COL7A1: variants seen among roughly 807,000 people sequenced by gnomAD.
The protein encoded by COL7A1 is collagen type VII alpha 1 chain.
A neutral mutation model predicts 456.2 loss-of-function variants in COL7A1; 296 were observed. The observed-to-expected ratio is 0.65, with a 90% CI of 0.59 to 0.71. COL7A1 has a LOEUF of 0.71. COL7A1 is among the 30% of genes least tolerant of loss of function. The pLI, the probability that COL7A1 is intolerant of heterozygous loss-of-function variation, is 0.00. For synonymous variants in COL7A1, 1,464 were observed against 1,525.9 expected (o/e 0.96, Z 0.95); for missense variants, 3,441 against 4,017.2 (o/e 0.86, Z 3.88).
rs775573272 is a variant in COL7A1, at chr3:48,583,079, TG to T, written c.4483-32del. The T allele has an allele frequency of 5.6e-5, 90 of 1,613,854 alleles. No individual in the cohort carries two copies. The highest frequency in any genetic ancestry group is 7.5e-5 in the Non-Finnish European group (89 of 1,179,988). On this transcript the variant is annotated intron_variant, in intron 43 of 118. Coordinates refer to ENST00000681320, the MANE Select transcript of COL7A1 (RefSeq NM_000094.4). This position sits in a 1 kb window ranked among gnomAD's most constrained non-coding sequence, Gnocchi z 5.1. ...GGAAAAGAAGAGGTCAGAGCTGAGT[TG>T]GGCCCAGATCCTCCAGGGCCCTTGG...
intron 44 of COL7A1, 94 bp downstream of exon 44, chr3:48,582,919 G>A (rs1460382528): frequency 1.9e-6 from 3 of 1,568,284 alleles, no homozygotes; most frequent in Non-Finnish European, 1.8e-6. Flanking sequence ...GGAGGGGTGA[G>A]GAGCAGGGGT....
In COL7A1 at chr3:48,567,032, A is replaced by T. The variant is rs758174829; in HGVS notation, c.8110-9T>A. On this transcript the variant is annotated splice_polypyrimidine_tract_variant and intron_variant, in intron 110 of 118. Coordinates refer to ENST00000681320, the MANE Select transcript of COL7A1 (RefSeq NM_000094.4). This position sits in a 1 kb window ranked among gnomAD's most constrained non-coding sequence, Gnocchi z 4.3. ...CCAATTCCTGGGGTTCCCTGGGGAG[A>T]TATAGGACAGAGTCAGTAATCAGAG... The T allele has an allele frequency of 2.3e-5, 37 of 1,613,456 alleles. No homozygotes were observed. The highest frequency in any genetic ancestry group is 9.3e-6 in the Non-Finnish European group (11 of 1,179,742).
chr3:48,573,128 G>T lies in COL7A1; in HGVS notation c.6714+46C>A, dbSNP rs1221689347. Reference sequence around the variant, plus strand: ...GACATGAGAGAACATGGGCCCCAAGGAGTGAAAACACGGTGTCCCTACAGG... The same window carrying T: ...GACATGAGAGAACATGGGCCCCAAGTAGTGAAAACACGGTGTCCCTACAGG... On this transcript the variant is annotated intron_variant, in intron 85 of 118. Transcript: ENST00000681320. This position sits in a 1 kb window ranked among gnomAD's most constrained non-coding sequence, Gnocchi z 5.5. The T allele has an allele frequency of 6.2e-7, 1 of 1,614,010 alleles. No homozygotes were observed. Among genetic ancestry groups the T allele is most frequent in the South Asian group, 1.1e-5 (1 of 91,086 alleles).
chr3:48,584,135 A>T (rs1341120500), intron 37 of COL7A1, 74 bp from the exon 38 acceptor site: 3 of 1,611,406 alleles, frequency 1.9e-6, no homozygotes, highest in Admixed American at 3.3e-5. Flanking sequence ...GATGAGGGTC[A>T]TGGGGTCCAA....
chr3:48,574,881 C>T lies in COL7A1; in HGVS notation c.6280-16G>A. The T allele has an allele frequency of 6.2e-7, 1 of 1,613,592 alleles. No homozygotes were observed. Among genetic ancestry groups the T allele is most frequent in the Non-Finnish European group, 8.5e-7 (1 of 1,179,886 alleles). On this transcript the variant is annotated splice_polypyrimidine_tract_variant and intron_variant, in intron 76 of 118. Coordinates refer to ENST00000681320, the MANE Select transcript of COL7A1 (RefSeq NM_000094.4). This position sits in a 1 kb window ranked among gnomAD's most constrained non-coding sequence, Gnocchi z 5.0. Reference sequence around the variant, plus strand: ...CCACAGACACCTACAAACACAAGGTCACAGGGGAGAGATGTCTCTGTCATA... The same window carrying T: ...CCACAGACACCTACAAACACAAGGTTACAGGGGAGAGATGTCTCTGTCATA...
At position 48,575,226 on chromosome 3, in the gene COL7A1, T is replaced by G; in HGVS notation, c.6197A>C (p.Lys2066Thr). The change falls in exon 75 of 119, where the codon AAA (lysine) becomes ACA (threonine). Residue 2066 changes from lysine to threonine, a missense_variant. Coordinates refer to ENST00000681320, the MANE Select transcript of COL7A1 (RefSeq NM_000094.4). This position sits in a 1 kb window ranked among gnomAD's most constrained non-coding sequence, Gnocchi z 6.3. ...RPGERGERGE[K>T]GERGEQGRDG... ...GCCCACCTGTTCTCCACGTTCTCCT[T>G]TCTCTCCCCGTTCTCCCTGAAATGC... 6.2e-7 allele frequency: 1 copy of G among 1,613,966 alleles called. No homozygotes were observed. Among genetic ancestry groups the G allele is most frequent in the Non-Finnish European group, 8.5e-7 (1 of 1,179,984 alleles).
rs774120930 is a variant in COL7A1, at chr3:48,573,767, C to T, written c.6538-42G>A. On this transcript the variant is annotated intron_variant, in intron 81 of 118. Coordinates refer to ENST00000681320, the MANE Select transcript of COL7A1 (RefSeq NM_000094.4). This position sits in a 1 kb window ranked among gnomAD's most constrained non-coding sequence, Gnocchi z 5.5. ...GAGTCTGATGAGGGGGAGTTAGCCG[C>T]ACCCCACCAAGGAAACTGAGGCAGT... 1 of 1,613,812 alleles carries T rather than the reference C, an allele frequency of 6.2e-7. No individual in the cohort carries two copies. The highest frequency in any genetic ancestry group is 1.3e-5 in the African/African-American group (1 of 74,888).
In COL7A1 at chr3:48,576,240, C is replaced by A. The variant is rs764992328; in HGVS notation, c.5820+9G>T. ...ACAGAGTCAAGGGGACATCCCAAGC[C>A]TGGCTCACCGGCACACTTCCAGGCT... On this transcript the variant is annotated intron_variant, in intron 71 of 118. Transcript: ENST00000681320. The A allele has an allele frequency of 6.2e-7, 1 of 1,613,650 alleles. No individual in the cohort carries two copies.
rs908605682 is a variant in COL7A1 at position 48,584,382 on chromosome 3, G to A, written c.4120-7C>T. ...CACGAGGTCCAGGGGGGCCCTGATGGAGGAGACAAAGTATAAGGTGCAACC... is the reference window on the plus strand; with the variant it reads ...CACGAGGTCCAGGGGGGCCCTGATGAAGGAGACAAAGTATAAGGTGCAACC... On this transcript the variant is annotated splice_region_variant and splice_polypyrimidine_tract_variant and intron_variant, in intron 36 of 118. Transcript: ENST00000681320. 4 of 1,613,768 alleles carry A rather than the reference G, an allele frequency of 2.5e-6. No individual in the cohort carries two copies. The Admixed American group carries it at 5.0e-5, about 20-fold the overall frequency.
In COL7A1 at chr3:48,579,479, C is replaced by A; in HGVS notation, c.5271+1G>T. The A allele has an allele frequency of 1.2e-6, 2 of 1,614,118 alleles. No individual in the cohort carries two copies. Among genetic ancestry groups the A allele is most frequent in the Non-Finnish European group, 1.7e-6 (2 of 1,180,012 alleles). On this transcript the variant is annotated splice_donor_variant, in intron 60 of 118. Coordinates refer to ENST00000681320, the MANE Select transcript of COL7A1 (RefSeq NM_000094.4). LOFTEE classifies it high-confidence loss of function. This position sits in a 1 kb window ranked among gnomAD's most constrained non-coding sequence, Gnocchi z 4.4. ...CAGACGGGGCAAAGTGCATCACTCA[C>A]CTGTGGGCCTGGGGGTCCCCGAAAC...
At position 48,586,164 on chromosome 3, in the gene COL7A1, C is replaced by A; in HGVS notation, c.3633G>T (p.Gln1211His). 6.2e-7 allele frequency: 1 copy of A among 1,613,370 alleles called. No homozygotes were observed. Among genetic ancestry groups the A allele is most frequent in the Non-Finnish European group, 8.5e-7 (1 of 1,180,040 alleles). ...RRLAPGMDSVQTFFAVDDGPS... is the reference protein window; with the variant it reads ...RRLAPGMDSVHTFFAVDDGPS... ...GCCCATCATCCACGGCGAAGAAGGT[C>A]TGGACAGAGTCCATACCCGGCGCCA... The change falls in exon 28 of 119, where the codon CAG becomes CAT. Residue 1211 changes from glutamine to histidine, a missense_variant. Gln to His is a conservative substitution (Grantham distance 24). Transcript: ENST00000681320. This position sits in a 1 kb window ranked among gnomAD's most constrained non-coding sequence, Gnocchi z 5.1.
Position 48,582,519 on chromosome 3 carries a change from T to A in COL7A1, c.4564-6A>T. 1 of 1,613,884 alleles carries A rather than the reference T, an allele frequency of 6.2e-7. No homozygotes were observed. Among genetic ancestry groups the A allele is most frequent in the East Asian group, 2.2e-5 (1 of 44,852 alleles). ...CCAGTGGGTCCTGGTGGCCCCTGAA[T>A]GTAGAGAAAGTGTGAGCCCAGGAGG... On this transcript the variant is annotated splice_polypyrimidine_tract_variant and splice_region_variant and intron_variant, in intron 45 of 118. Transcript: ENST00000681320.
chr3:48,583,792 T>G lies in COL7A1; in HGVS notation c.4279-12A>C, dbSNP rs780710505. 18 of 1,612,820 alleles carry G rather than the reference T, an allele frequency of 1.1e-5. No individual in the cohort carries two copies. The highest frequency in any genetic ancestry group is 1.4e-5 in the Non-Finnish European group (17 of 1,179,742). ...CTTCCGGGAAGACCCTAGGAAGAAG[T>G]GAGTAAAAATATGAGCCAAGAACTA... On this transcript the variant is annotated splice_polypyrimidine_tract_variant and intron_variant, in intron 39 of 118. Transcript: ENST00000681320. This position sits in a 1 kb window ranked among gnomAD's most constrained non-coding sequence, Gnocchi z 5.1.
rs138548077 is a variant in COL7A1 at position 48,594,621 on chromosome 3, T to C, written c.86-73A>G. 1.5e-3 allele frequency: 2,220 copies of C among 1,496,778 alleles called. 3 individuals carry two copies. The highest frequency in any genetic ancestry group is 1.9e-3 in the Non-Finnish European group (2,089 of 1,111,656). 92.7% of individuals were successfully genotyped at this position (1,496,778 alleles called of 1,614,324 possible). On this transcript the variant is annotated intron_variant, in intron 2 of 118. Coordinates refer to ENST00000681320, the MANE Select transcript of COL7A1 (RefSeq NM_000094.4). The surrounding 1 kb of genome is among the most constrained non-coding windows in gnomAD (Gnocchi z 5.5). ...CCGCCTACCCGCACGGTGGCCTCAC[T>C]GGGACTTGGGATGGTGGGGAGAGTA...
chr3:48,583,810 A>G lies in COL7A1; in HGVS notation c.4279-30T>C. On this transcript the variant is annotated intron_variant, in intron 39 of 118. Coordinates refer to ENST00000681320, the MANE Select transcript of COL7A1 (RefSeq NM_000094.4). The surrounding 1 kb of genome is among the most constrained non-coding windows in gnomAD (Gnocchi z 5.1). Reference sequence around the variant, plus strand: ...GAAGAAGTGAGTAAAAATATGAGCCAAGAACTATGAAGCCCAGCACCCAAC... The same window carrying G: ...GAAGAAGTGAGTAAAAATATGAGCCGAGAACTATGAAGCCCAGCACCCAAC... 1 of 1,613,696 alleles carries G rather than the reference A, an allele frequency of 6.2e-7. No homozygotes were observed. Among genetic ancestry groups the G allele is most frequent in the Non-Finnish European group, 8.5e-7 (1 of 1,179,850 alleles).
In COL7A1 at chr3:48,592,775, C is replaced by T. The variant is rs770216458; in HGVS notation, c.846G>A (p.Glu282=). 1 of 1,613,656 alleles carries T rather than the reference C, an allele frequency of 6.2e-7. No homozygotes were observed. Among genetic ancestry groups the T allele is most frequent in the Non-Finnish European group, 8.5e-7 (1 of 1,180,050 alleles). The change falls in exon 7 of 119, where the codon GAG becomes GAA. Residue 282 remains glutamate, a splice_region_variant and synonymous_variant. Transcript: ENST00000681320. This position sits in a 1 kb window ranked among gnomAD's most constrained non-coding sequence, Gnocchi z 7.6. ...LGQPLPSERQ[E]VNVPAGETSV... ...CCACCTATCACTCCTGACATCCTAC[C>T]TCCTGCCGCTCACTCGGCAGTGGCT...
In COL7A1 at chr3:48,580,137, GC is replaced by G. The variant is rs2107703548; in HGVS notation, c.5098-81del. The stretch of plus-strand genomic sequence containing the variant: ...TCTGGTTTGCCCCAGGCTCAACTCT[GC>G]CCCCAAGTTCCCCGAAGCACCCCAA... On this transcript the variant is annotated intron_variant, in intron 56 of 118. Coordinates refer to ENST00000681320, the MANE Select transcript of COL7A1 (RefSeq NM_000094.4). This position sits in a 1 kb window ranked among gnomAD's most constrained non-coding sequence, Gnocchi z 4.5. 1 of 1,580,400 alleles carries G rather than the reference GC, an allele frequency of 6.3e-7. No individual in the cohort carries two copies.
Position 48,571,167 on chromosome 3 carries a change from G to A in COL7A1, c.7105-7C>T. The A allele has an allele frequency of 6.2e-7, 1 of 1,614,080 alleles. No individual in the cohort carries two copies. ...CCCCGACTCCTGGGTCACCCTTTGA[G>A]GAAAAGAGGCATCGGATCAAGCTCA... On this transcript the variant is annotated splice_region_variant and splice_polypyrimidine_tract_variant and intron_variant, in intron 93 of 118. Transcript: ENST00000681320. This position sits in a 1 kb window ranked among gnomAD's most constrained non-coding sequence, Gnocchi z 4.6.
At position 48,595,084 on chromosome 3, in the gene COL7A1, T is replaced by A; in HGVS notation, c.76A>T (p.Arg26Trp). ...CCCTTGCGGTGCCCACCTCTCTCCC[T>A]GTGCTGGGCTCGCACTCGGGGCGCC... ...AEAPRVRAQH[R>W]ERVTCTRLYA... Residue 26 changes from arginine to tryptophan, a missense_variant, in exon 2 of 119, where the codon AGG becomes TGG. This residue lies in a region of COL7A1 where 913 missense variants were observed against 1,088.2 expected (regional missense o/e 0.84). Coordinates refer to ENST00000681320, the MANE Select transcript of COL7A1 (RefSeq NM_000094.4). The A allele has an allele frequency of 6.4e-7, 1 of 1,551,184 alleles. No homozygotes were observed. The highest frequency in any genetic ancestry group is 8.7e-7 in the Non-Finnish European group (1 of 1,147,568).
Sources: gnomAD v4.1 joint callset for allele counts on GRCh38, gnomAD v4.1.1 for gene constraint, gnomAD v4.1.1 regional missense constraint, Gnocchi (gnomAD v3.1) non-coding constraint, MANE v1.5 for transcripts, NCBI Gene and HGNC (gene_info 2026-07-23, HGNC 2026-07-21) for gene names.